Variants in FARS2 observed in about 807,000 individuals in gnomAD.
The protein encoded by FARS2 is phenylalanyl-tRNA synthetase 2, mitochondrial.
Under a neutral mutation model 46.4 loss-of-function variants are expected in FARS2, and 40 were observed. The observed-to-expected ratio is 0.86, with a 90% CI of 0.67 to 1.12. The LOEUF is 1.12. Ranked by LOEUF, FARS2 falls within the 50% of genes most tolerant of loss-of-function variation. The pLI is 0.00. For missense variants in FARS2, 513 were observed against 567.9 expected (o/e 0.90, Z 0.98); for synonymous variants, 234 against 214.9 (o/e 1.09, Z -0.78).
At chr6:5,499,590 C>T (rs573716944) in intron 4 of FARS2, among the ~76,000 whole-genome samples, 1 of 152,292 alleles carries the variant, frequency 6.6e-6, no homozygotes, top group African/African-American at 2.4e-5. Flanking sequence ...CTAATGATTG[C>T]TGCTCCTAAT....
chr6:5,536,050 C>CTTTTTTTTT (rs374395844), intron 4 of FARS2, among the ~76,000 whole-genome samples: 2 of 133,736 alleles, frequency 1.5e-5, no homozygotes, highest in African/African-American at 5.8e-5. Context: ...TTTAATTTAT[C>CTTTTTTTTT]TTTTTTTTTT....
chr6:5,460,037 G>A (rs532527922), intron 4 of FARS2, among the ~76,000 whole-genome samples: 6 of 152,334 alleles, frequency 3.9e-5, no homozygotes, highest in South Asian at 2.1e-4. Flanking sequence ...CAGTTAGAGC[G>A]TGTTTTGGGA....
Position 5,341,883 on chromosome 6 carries a change from T to TA in FARS2, c.-21-26659dup, listed in dbSNP as rs557623890. The stretch of plus-strand genomic sequence containing the variant: ...TTAATTATTCAAGTTAAGAGGAAGG[T>TA]AAAAAAAATAATTTCCAGTTCTTAC... On this transcript the variant is annotated intron_variant, in intron 1 of 6. Transcript: ENST00000274680. Among the ~76,000 whole-genome samples, 101 of 151,966 alleles carry TA rather than the reference T, an allele frequency of 6.6e-4. 1 individual carries two copies. In the South Asian group the frequency reaches 0.018, roughly 28 times the overall value.
intron 3 of FARS2, among the ~76,000 whole-genome samples, chr6:5,406,199 G>A (rs1481061584): frequency 6.6e-6 from 1 of 152,138 alleles, no homozygotes; most frequent in African/African-American, 2.4e-5. Context: ...ATTCTTGTGA[G>A]CTTTTGTAAA....
chr6:5,584,126 C>CACACACACACACACAT, intron 5 of FARS2, among the ~76,000 whole-genome samples: 1 of 151,180 alleles, frequency 6.6e-6, no homozygotes, highest in East Asian at 2.0e-4. Flanking sequence ...CACACACACA[C>CACACACACACACACAT]ACACACACAC....
At chr6:5,521,624 A>G (rs1256330004) in intron 4 of FARS2, among the ~76,000 whole-genome samples, 2 of 152,212 alleles carry the variant, frequency 1.3e-5, no homozygotes, top group Non-Finnish European at 2.9e-5. Context: ...CCAAGACCCA[A>G]GACTCTAGCT....
intron 4 of FARS2, among the ~76,000 whole-genome samples, chr6:5,529,496 C>T (rs145185557): frequency 5.5e-4 from 83 of 152,146 alleles, no homozygotes; most frequent in African/African-American, 1.2e-3. Flanking sequence ...TTAGTAGAGA[C>T]GGGGTTTTAC....
intron 3 of FARS2, among the ~76,000 whole-genome samples, chr6:5,406,371 C>G (rs2432774): frequency 0.5 from 76,728 of 152,010 alleles, 19,556 homozygotes; most frequent in African/African-American, 0.56. Context: ...CCAGCAGAAT[C>G]AATACATGAA....
At chr6:5,334,071 A>G (rs1395175216) in intron 1 of FARS2, among the ~76,000 whole-genome samples, 2 of 152,242 alleles carry the variant, frequency 1.3e-5, no homozygotes, top group African/African-American at 4.8e-5. Flanking sequence ...CTGGCTTCAT[A>G]CATTTAAAAT....
At chr6:5,625,679 A>G (rs146190305) in intron 6 of FARS2, among the ~76,000 whole-genome samples, 2 of 152,268 alleles carry the variant, frequency 1.3e-5, no homozygotes, top group African/African-American at 4.8e-5. Context: ...GCTTAGGGGG[A>G]CAGCGATCCA....
chr6:5,294,133 G>T (rs1463626841), intron 1 of FARS2, among the ~76,000 whole-genome samples: 1 of 152,156 alleles, frequency 6.6e-6, no homozygotes, highest in Admixed American at 6.5e-5. Context: ...AGGAACAGGT[G>T]CCCTATTTGT....
chr6:5,517,746 T>C lies in FARS2; in HGVS notation c.905-27434T>C, dbSNP rs375173638. ...TAAATACATGGTGAAATGAGTATTT[T>C]AGATATATAATATTAGGTAAAATGA... On this transcript the variant is annotated intron_variant, in intron 4 of 6. Coordinates refer to ENST00000274680, the MANE Select transcript of FARS2 (RefSeq NM_006567.5). 2.0e-4 allele frequency among the ~76,000 whole-genome samples: 31 copies of C among 152,344 alleles called. No individual in the cohort carries two copies. The East Asian group carries it at 4.2e-3, about 21-fold the overall frequency.
intron 6 of FARS2, among the ~76,000 whole-genome samples, chr6:5,755,999 ATGTTT>A (rs1243631851): frequency 6.6e-6 from 1 of 152,166 alleles, no homozygotes; most frequent in Non-Finnish European, 1.5e-5. Flanking sequence ...TGCCAAGGAT[ATGTTT>A]TGTTTTGTTT....
chr6:5,398,500 T>TA (rs112286089), intron 2 of FARS2, among the ~76,000 whole-genome samples: 5,911 of 152,248 alleles, frequency 0.039, 387 homozygotes, highest in African/African-American at 0.13. Flanking sequence ...CCCCATGAGA[T>TA]ATCCCAGATT....
Position 5,441,640 on chromosome 6 carries a change from C to A in FARS2, c.904+10468C>A, listed in dbSNP as rs572461203. Among the ~76,000 whole-genome samples, 5 of 152,264 alleles carry A rather than the reference C, an allele frequency of 3.3e-5. No individual in the cohort carries two copies. In the East Asian group the frequency reaches 9.6e-4, roughly 29 times the overall value. ...CTGGATGAATGTTCCATAGTTCATT[C>A]ATCCATTCTTTAATGAATATTTGCT... On this transcript the variant is annotated intron_variant, in intron 4 of 6. Coordinates refer to ENST00000274680, the MANE Select transcript of FARS2 (RefSeq NM_006567.5).
At chr6:5,615,788 A>T (rs1313320151) in intron 6 of FARS2, among the ~76,000 whole-genome samples, 1 of 152,184 alleles carries the variant, frequency 6.6e-6, no homozygotes, top group African/African-American at 2.4e-5. Flanking sequence ...GCTGGGATAG[A>T]CATTCAACCT....
chr6:5,523,825 C>A (rs1486476718), intron 4 of FARS2, among the ~76,000 whole-genome samples: 2 of 152,294 alleles, frequency 1.3e-5, no homozygotes, highest in South Asian at 4.1e-4. Context: ...TGGTTAGTCT[C>A]TAGGTCCCTC....
rs2150799577 is a variant in FARS2 at position 5,668,260 on chromosome 6, T to G, written c.1217+54940T>G. ...TGCTTATAATGTGAGGTTTATTTTC[T>G]GTTTTATATGTATCTTATAAGCAGC... On this transcript the variant is annotated intron_variant, in intron 6 of 6. Transcript: ENST00000274680. 3.3e-5 allele frequency: 5 copies of G among 152,372 alleles called. No individual in the cohort carries two copies. The Middle Eastern group carries it at 0.017, about 518-fold the overall frequency. 9.4% of individuals were successfully genotyped at this position (152,372 alleles called of 1,614,324 possible).
At chr6:5,723,437 G>T (rs1311761789) in intron 6 of FARS2, among the ~76,000 whole-genome samples, 1 of 152,188 alleles carries the variant, frequency 6.6e-6, no homozygotes, top group East Asian at 1.9e-4. Flanking sequence ...GACCCTTCCA[G>T]GCCTCAGTGT....
Sources: gnomAD v4.1 joint callset for allele counts (sites outside exome capture counted in the v4.1 genomes callset) on GRCh38, gnomAD v4.1.1 for gene constraint, MANE v1.5 for transcripts, NCBI Gene and HGNC (gene_info 2026-07-23, HGNC 2026-07-21) for gene names.